The following ABL1 variants were observed in gnomAD, a reference collection of about 807,000 sequenced individuals.
ABL1 encodes ABL proto-oncogene 1, non-receptor tyrosine kinase, also known as tyrosine-protein kinase ABL1.
ABL1 carries 11 observed loss-of-function variants against 94.7 expected under a neutral mutation model. The observed-to-expected ratio is 0.12, with a 90% CI of 0.07 to 0.19. The LOEUF (loss-of-function observed/expected upper bound fraction) is 0.19. Ranked by LOEUF, ABL1 falls within the 10% of genes least tolerant of loss-of-function variation. The probability of loss-of-function intolerance (pLI) is 1.00; values close to 1 mark genes in which losing one functional copy is unlikely to be tolerated. For synonymous variants in ABL1, 656 were observed against 622.4 expected, an observed-to-expected ratio of 1.05 and a Z score of -0.80; for missense variants, 1,082 against 1,489.4, an observed-to-expected ratio of 0.73 and a Z score of 4.50.
chr9:130,735,552 A>T (rs913535879), intron 1 of ABL1, among the ~76,000 whole-genome samples: 4 of 151,894 alleles, frequency 2.6e-5, no homozygotes, highest in African/African-American at 9.6e-5. Flanking sequence ...AAAAGATAGC[A>T]TACAGTATAT....
rs1830706787 is a variant in ABL1, at chr9:130,843,310, GGTT to G, written c.79+7789_79+7791del. Among the ~76,000 whole-genome samples, 4 of 152,170 alleles carry G rather than the reference GGTT, an allele frequency of 2.6e-5. No individual in the cohort carries two copies. The South Asian group carries it at 8.3e-4, about 32-fold the overall frequency. ...GAAGGCGTGGCATAAGAGAAGACGCGGTTGTTCTGTAGTGAGCATCCCAGTGTC... is the reference window on the plus strand; with the variant it reads ...GAAGGCGTGGCATAAGAGAAGACGCGGTTCTGTAGTGAGCATCCCAGTGTC... On this transcript the variant is annotated intron_variant, in intron 1 of 10. Transcript: ENST00000318560.
intron 1 of ABL1, among the ~76,000 whole-genome samples, chr9:130,827,898 A>ATAAT (rs1465380322): frequency 9.8e-4 from 65 of 66,078 alleles, no homozygotes; most frequent in Admixed American, 6.3e-3. Flanking sequence ...TGTCTCAAAA[A>ATAAT]TAATAAATAA....
chr9:130,848,950 AAAAAG>A (rs913939036), intron 1 of ABL1, among the ~76,000 whole-genome samples: 30 of 152,290 alleles, frequency 2.0e-4, no homozygotes, highest in Admixed American at 3.9e-4. Flanking sequence ...GAGAAAAAAA[AAAAAG>A]AAAAGTAAAT....
intron 1 of ABL1, among the ~76,000 whole-genome samples, chr9:130,838,995 G>C (rs1369394134): frequency 6.6e-6 from 1 of 152,000 alleles, no homozygotes; most frequent in Non-Finnish European, 1.5e-5. Flanking sequence ...CTGCAGCCTT[G>C]AGCTCCTGGT....
At chr9:130,852,651 G>A (rs1830889249) in intron 1 of ABL1, among the ~76,000 whole-genome samples, 1 of 151,920 alleles carries the variant, frequency 6.6e-6, no homozygotes. Flanking sequence ...TTATCACAAA[G>A]AAATTCTGGA....
At chr9:130,762,476 G>A (rs1468637245) in intron 1 of ABL1, among the ~76,000 whole-genome samples, 3 of 152,190 alleles carry the variant, frequency 2.0e-5, no homozygotes, top group Non-Finnish European at 2.9e-5. Flanking sequence ...TGTTGGGTGT[G>A]TTGAATGTGC....
intron 1 of ABL1, among the ~76,000 whole-genome samples, chr9:130,715,382 C>T (rs1436289406): frequency 6.6e-6 from 1 of 152,154 alleles, no homozygotes; most frequent in African/African-American, 2.4e-5. Context: ...GTGCCAGTGG[C>T]TTATACTTTG....
Position 130,884,664 on chromosome 9 carries a change from G to A in ABL1, c.2374G>A (p.Glu792Lys). ...CCCCAGGCTGGTGAAAAAGAATGAGGAAGCTGCTGATGAGGTCTTCAAAGA... is the reference window on the plus strand; with the variant it reads ...CCCCAGGCTGGTGAAAAAGAATGAGAAAGCTGCTGATGAGGTCTTCAAAGA... ...PPPRLVKKNE[E>K]AADEVFKDIM... The change falls in exon 11 of 11, where the codon GAA becomes AAA. Residue 792 changes from glutamate to lysine, a missense_variant. Transcript: ENST00000318560. The surrounding 1 kb of genome is among the most constrained non-coding windows in gnomAD (Gnocchi z 5.6). 6.2e-7 allele frequency: 1 copy of A among 1,613,182 alleles called. No homozygotes were observed. The highest frequency in any genetic ancestry group is 1.1e-5 in the South Asian group (1 of 91,080).
At chr9:130,714,125 T>G (rs981685009) in exon 1 of ABL1, 1 of 440,980 alleles carries the variant, frequency 2.3e-6, no homozygotes, top group Non-Finnish European at 3.9e-6. Flanking sequence ...TTGGAACTCC[T>G]GCTTGCAAGT....
At chr9:130,740,819 A>ATTTT (rs34323373) in intron 1 of ABL1, among the ~76,000 whole-genome samples, 1,900 of 97,706 alleles carry the variant, frequency 0.019, 9 homozygotes, top group African/African-American at 0.025. Context: ...CCACACCCAG[A>ATTTT]TTTTTTTTTT....
chr9:130,878,359 A>G, intron 7 of ABL1, 56 bp from the exon 8 acceptor site: 3 of 1,588,284 alleles, frequency 1.9e-6, no homozygotes, highest in Non-Finnish European at 2.6e-6. Context: ...TTTTAAATGT[A>G]GTGTAGTGAA....
At chr9:130,827,917 A>ATAAAT (rs1830445546) in intron 1 of ABL1, among the ~76,000 whole-genome samples, 1 of 148,506 alleles carries the variant, frequency 6.7e-6, no homozygotes, top group Non-Finnish European at 1.5e-5. Context: ...AAATAAATAA[A>ATAAAT]TAAATAAATA....
At chr9:130,718,087 G>A (rs538433438) in intron 1 of ABL1, among the ~76,000 whole-genome samples, 1 of 152,116 alleles carries the variant, frequency 6.6e-6, no homozygotes, top group Admixed American at 6.5e-5. Context: ...GGAGGATGAG[G>A]CAGGCGGATC....
intron 1 of ABL1, among the ~76,000 whole-genome samples, chr9:130,778,399 T>C (rs1010926149): frequency 1.3e-5 from 2 of 152,240 alleles, no homozygotes; most frequent in Non-Finnish European, 2.9e-5. Context: ...ATTAATACTT[T>C]CCAAACTTTA....
intron 1 of ABL1, among the ~76,000 whole-genome samples, chr9:130,746,836 TG>T (rs1207029082): frequency 6.6e-6 from 1 of 152,138 alleles, no homozygotes; most frequent in African/African-American, 2.4e-5. Flanking sequence ...CAAAACTGGG[TG>T]GCTTAAAACA....
chr9:130,867,478 C>T (rs1285161299), intron 4 of ABL1, among the ~76,000 whole-genome samples: 2 of 152,212 alleles, frequency 1.3e-5, no homozygotes, highest in African/African-American at 4.8e-5. Context: ...GGTCCGCTTC[C>T]AGAAACTACT....
chr9:130,836,169 A>G (rs1431418363), intron 1 of ABL1, among the ~76,000 whole-genome samples: 1 of 152,078 alleles, frequency 6.6e-6, no homozygotes, highest in Non-Finnish European at 1.5e-5. Flanking sequence ...AGGGGAGGGG[A>G]GCCCATTTAA....
At chr9:130,824,922 CTAA>C (rs1830405652) in intron 1 of ABL1, among the ~76,000 whole-genome samples, 1 of 152,198 alleles carries the variant, frequency 6.6e-6, no homozygotes, top group East Asian at 1.9e-4. Flanking sequence ...GCAGTCATTT[CTAA>C]CAAGCAGAGG....
intron 10 of ABL1, among the ~76,000 whole-genome samples, chr9:130,881,265 T>C: frequency 6.6e-6 from 1 of 152,202 alleles, no homozygotes. Context: ...TCTATGTTCA[T>C]GGTTGACCCC....
Sources: gnomAD v4.1 joint callset for allele counts (sites outside exome capture counted in the v4.1 genomes callset) on GRCh38, gnomAD v4.1.1 for gene constraint, Gnocchi (gnomAD v3.1) non-coding constraint, MANE v1.5 for transcripts, NCBI Gene and HGNC (gene_info 2026-07-23, HGNC 2026-07-21) for gene names.